The following SEPTIN9 variants were observed in gnomAD, a reference collection of about 807,000 sequenced individuals.
SEPTIN9 encodes septin-9.
A neutral mutation model predicts 56.6 loss-of-function variants in SEPTIN9; 13 were observed. That is an observed-to-expected ratio of 0.23 (90% CI 0.15 to 0.37). SEPTIN9 has a LOEUF of 0.37. Among genes scored for constraint, SEPTIN9 ranks in the 10% least tolerant of loss-of-function variants. The pLI, the probability that SEPTIN9 is intolerant of heterozygous loss-of-function variation, is 1.00. For synonymous variants in SEPTIN9, 332 were observed against 334.1 expected (o/e 0.99, Z 0.07); for missense variants, 650 against 823.1 (o/e 0.79, Z 2.57).
intron 5 of SEPTIN9, among the ~76,000 whole-genome samples, 182 bp from the exon 6 acceptor site, chr17:77,488,058 G>A (rs1335682181): frequency 6.6e-6 from 1 of 152,244 alleles, no homozygotes; most frequent in African/African-American, 2.4e-5. Flanking sequence ...GACAGGCAAG[G>A]GGCTCCCAGG....
chr17:77,299,006 T>G (rs1342381156), intron 1 of SEPTIN9, among the ~76,000 whole-genome samples: 1 of 152,108 alleles, frequency 6.6e-6, no homozygotes. Flanking sequence ...CTCCTCACTC[T>G]CTCTGCATCC....
chr17:77,427,377 C>T (rs1398252656), intron 3 of SEPTIN9, among the ~76,000 whole-genome samples: 3 of 152,174 alleles, frequency 2.0e-5, no homozygotes, highest in Admixed American at 6.5e-5. Context: ...CTTTGGGAAG[C>T]TGAGTTAGGG....
At position 77,456,709 on chromosome 17, in the gene SEPTIN9, G is replaced by T. The variant is rs992346804; in HGVS notation, c.722-25435G>T. On this transcript the variant is annotated intron_variant, in intron 3 of 11. Transcript: ENST00000427177. The surrounding 1 kb of genome is among the most constrained non-coding windows in gnomAD (Gnocchi z 6.0). ...GCACCGGGTACCCACAGCCAGGGAC[G>T]GGCCCCCATGGCCAGTACCAGATCT... Among the ~76,000 whole-genome samples the T allele has an allele frequency of 6.6e-6, 1 of 150,904 alleles. No individual in the cohort carries two copies. Among genetic ancestry groups the T allele is most frequent in the Admixed American group, 6.6e-5 (1 of 15,158 alleles).
intron 3 of SEPTIN9, among the ~76,000 whole-genome samples, chr17:77,474,228 A>C (rs1023802159): frequency 6.6e-6 from 1 of 152,166 alleles, no homozygotes; most frequent in Non-Finnish European, 1.5e-5. Flanking sequence ...CAGGGGCCCC[A>C]GGGCAGCTCT....
intron 3 of SEPTIN9, among the ~76,000 whole-genome samples, chr17:77,422,843 G>A (rs1418167093): frequency 2.6e-5 from 4 of 152,118 alleles, no homozygotes; most frequent in South Asian, 2.1e-4. Flanking sequence ...AGTCTCTGGG[G>A]TGGGCCCTCT....
At chr17:77,373,377 C>A (rs868605809) in intron 2 of SEPTIN9, 12 of 1,211,076 alleles carry the variant, frequency 9.9e-6, no homozygotes, top group Non-Finnish European at 1.2e-5. Flanking sequence ...GCTCCTCCGG[C>A]GGCTAGCTCT....
intron 3 of SEPTIN9, among the ~76,000 whole-genome samples, chr17:77,460,411 G>A (rs575063214): frequency 1.1e-4 from 16 of 152,242 alleles, no homozygotes; most frequent in Non-Finnish European, 2.2e-4. Flanking sequence ...ATTAACTTGG[G>A]GACCCAGCTG....
intron 2 of SEPTIN9, among the ~76,000 whole-genome samples, chr17:77,321,342 C>T (rs2032913360): frequency 6.6e-6 from 1 of 151,428 alleles, no homozygotes; most frequent in South Asian, 2.1e-4. Flanking sequence ...AGGCCCATCT[C>T]GGTGGCTCCT....
Position 77,453,010 on chromosome 17 carries a change from C to T in SEPTIN9, c.722-29134C>T, listed in dbSNP as rs1476117284. On this transcript the variant is annotated intron_variant, in intron 3 of 11. Coordinates refer to ENST00000427177, the MANE Select transcript of SEPTIN9 (RefSeq NM_001113491.2). The surrounding 1 kb of genome is among the most constrained non-coding windows in gnomAD (Gnocchi z 4.4). ...CTCTGGAGACCTGAGTTGCTGCTGA[C>T]TCCCAGCTTGCCCCTTCTGTCCCCT... Among the ~76,000 whole-genome samples, 2 of 151,662 alleles carry T rather than the reference C, an allele frequency of 1.3e-5. No individual in the cohort carries two copies. Among genetic ancestry groups the T allele is most frequent in the African/African-American group, 2.4e-5 (1 of 41,200 alleles).
At chr17:77,472,511 T>C (rs1222459274) in intron 3 of SEPTIN9, 1 of 152,238 alleles carries the variant, frequency 6.6e-6, no homozygotes, top group South Asian at 2.1e-4. Context: ...AGGGTTCTTG[T>C]TGGCTCTTCC....
intron 2 of SEPTIN9, among the ~76,000 whole-genome samples, chr17:77,309,751 AT>A (rs1281712567): frequency 6.6e-6 from 1 of 152,096 alleles, no homozygotes; most frequent in Non-Finnish European, 1.5e-5. Flanking sequence ...TAAAAAAAAA[AT>A]GGAATTCTTA....
At chr17:77,347,461 A>G (rs889311437) in intron 2 of SEPTIN9, among the ~76,000 whole-genome samples, 1 of 151,610 alleles carries the variant, frequency 6.6e-6, no homozygotes, top group African/African-American at 2.4e-5. Context: ...TATATCATGT[A>G]TTTTGAAGCT....
rs978146777 is a variant in SEPTIN9, at chr17:77,436,446, C to T, written c.721+33743C>T. Among the ~76,000 whole-genome samples the T allele has an allele frequency of 2.0e-5, 3 of 152,152 alleles. No homozygotes were observed. Among genetic ancestry groups the T allele is most frequent in the Admixed American group, 6.5e-5 (1 of 15,282 alleles). On this transcript the variant is annotated intron_variant, in intron 3 of 11. Coordinates refer to ENST00000427177, the MANE Select transcript of SEPTIN9 (RefSeq NM_001113491.2). This position sits in a 1 kb window ranked among gnomAD's most constrained non-coding sequence, Gnocchi z 4.4. ...TACTGGGATTTGGCAAAGCAAAGAG[C>T]CTCACTTTCTCCCCGCAGATGGGAC...
chr17:77,349,755 T>C (rs987814769), intron 2 of SEPTIN9, among the ~76,000 whole-genome samples: 48 of 152,228 alleles, frequency 3.2e-4, no homozygotes, highest in Admixed American at 3.1e-3. Context: ...CAGGCTGTTG[T>C]TATTTTGTTC....
intron 3 of SEPTIN9, among the ~76,000 whole-genome samples, chr17:77,408,205 C>G (rs959745681): frequency 1.3e-5 from 2 of 152,194 alleles, no homozygotes; most frequent in Non-Finnish European, 1.5e-5. Flanking sequence ...CCCCTCCCAG[C>G]CTCAATTTCT....
intron 11 of SEPTIN9, 57 bp from the exon 12 acceptor site, chr17:77,498,466 G>A (rs1025833297): frequency 1.4e-5 from 5 of 352,744 alleles, no homozygotes; most frequent in East Asian, 1.5e-4. Context: ...CCCCTGCCCC[G>A]CTGCCCCCAC....
At chr17:77,461,304 T>G (rs1335206061) in intron 3 of SEPTIN9, among the ~76,000 whole-genome samples, 1 of 151,898 alleles carries the variant, frequency 6.6e-6, no homozygotes, top group Non-Finnish European at 1.5e-5. Flanking sequence ...AGACTCTGTC[T>G]CAAAAAAATA....
In SEPTIN9 at chr17:77,445,009, G is replaced by A. The variant is rs1213476774; in HGVS notation, c.722-37135G>A. On this transcript the variant is annotated intron_variant, in intron 3 of 11. Coordinates refer to ENST00000427177, the MANE Select transcript of SEPTIN9 (RefSeq NM_001113491.2). The surrounding 1 kb of genome is among the most constrained non-coding windows in gnomAD (Gnocchi z 4.7). Reference sequence around the variant, plus strand: ...TGAGAAGAAACCAGAAGAGGAACATGTCACCCAAATGTGCTGAAACAGCCC... The same window carrying A: ...TGAGAAGAAACCAGAAGAGGAACATATCACCCAAATGTGCTGAAACAGCCC... The A allele has an allele frequency of 1.6e-5, 6 of 371,884 alleles. 1 individual carries two copies. Among genetic ancestry groups the A allele is most frequent in the South Asian group, 1.2e-4 (6 of 48,608 alleles). 23.0% of individuals were successfully genotyped at this position (371,884 alleles called of 1,614,324 possible). A position where few individuals can be genotyped will look rare whatever the true frequency, so the allele number is the denominator to read the frequency against.
At chr17:77,398,692 G>T (rs1234498539) in intron 2 of SEPTIN9, among the ~76,000 whole-genome samples, 2 of 152,226 alleles carry the variant, frequency 1.3e-5, no homozygotes, top group African/African-American at 4.8e-5. Flanking sequence ...TGTTCTCACT[G>T]TTCTTCTAGC....
Sources: allele counts gnomAD v4.1 joint callset (sites outside exome capture counted in the v4.1 genomes callset), GRCh38; gene constraint gnomAD v4.1.1; non-coding constraint Gnocchi (gnomAD v3.1); transcripts MANE v1.5; gene names NCBI Gene and HGNC (gene_info 2026-07-23, HGNC 2026-07-21).